Variants in TYW1 observed in about 807,000 individuals in gnomAD.
TYW1 encodes the protein tRNA-yW synthesizing protein 1 homolog.
In TYW1, 46 loss-of-function variants were observed where a neutral mutation model predicts 96.2. The ratio of observed to expected loss-of-function variants is 0.48; its 90% CI spans 0.38 to 0.61. The LOEUF (loss-of-function observed/expected upper bound fraction) is 0.61, where lower values mean the gene tolerates loss of function less well. Among genes scored for constraint, TYW1 ranks in the 20% least tolerant of loss-of-function variants. TYW1 has a pLI of 0.00. For missense variants in TYW1, 684 were observed against 909.6 expected (o/e 0.75, Z 3.19); for synonymous variants, 274 against 323.0 (o/e 0.85, Z 1.63).
intron 10 of TYW1, among the ~76,000 whole-genome samples, chr7:67,071,132 A>G (rs938232056): frequency 5.7e-4 from 85 of 150,102 alleles, no homozygotes; most frequent in Non-Finnish European, 1.0e-3. Context: ...CTCCGTCTCA[A>G]AAAAAAAAAG....
At chr7:67,200,008 G>A (rs1307533014) in intron 15 of TYW1, among the ~76,000 whole-genome samples, 1 of 152,214 alleles carries the variant, frequency 6.6e-6, no homozygotes, top group Admixed American at 6.5e-5. Context: ...AACCTGAAGT[G>A]AAGTAGGCAG....
At chr7:67,236,466 C>T (rs201019431) in intron 15 of TYW1, among the ~76,000 whole-genome samples, 5 of 152,284 alleles carry the variant, frequency 3.3e-5, no homozygotes, top group East Asian at 3.9e-4. Flanking sequence ...GTGGTGTGAG[C>T]GGCCAGGGAA....
chr7:67,135,519 G>A, intron 13 of TYW1, among the ~76,000 whole-genome samples: 1 of 151,288 alleles, frequency 6.6e-6, no homozygotes. Flanking sequence ...GGCCAGGCTG[G>A]TCTTGAACTC....
rs550809868 is a variant in TYW1, at chr7:67,143,892, G to A, written c.1698+26274G>A. Reference sequence around the variant, plus strand: ...CGTTTTTTGGTGTATATGCTAATTAGCTAATTTTTTGACTTAAAACCGGTT... The same window carrying A: ...CGTTTTTTGGTGTATATGCTAATTAACTAATTTTTTGACTTAAAACCGGTT... On this transcript the variant is annotated intron_variant, in intron 13 of 15. Transcript: ENST00000359626. Among the ~76,000 whole-genome samples, 6 of 152,294 alleles carry A rather than the reference G, an allele frequency of 3.9e-5. No homozygotes were observed. In the East Asian group the frequency reaches 1.2e-3, roughly 29 times the overall value.
At chr7:67,085,697 G>A (rs1357743491) in intron 11 of TYW1, among the ~76,000 whole-genome samples, 1 of 152,048 alleles carries the variant, frequency 6.6e-6, no homozygotes, top group Non-Finnish European at 1.5e-5. Flanking sequence ...GGCTTAGCAC[G>A]GTGCCTCACG....
At chr7:67,067,588 G>C (rs1334097756) in intron 10 of TYW1, among the ~76,000 whole-genome samples, 185 bp downstream of exon 10, 1 of 152,202 alleles carries the variant, frequency 6.6e-6, no homozygotes, top group East Asian at 1.9e-4. Flanking sequence ...CAAACACTGT[G>C]AGGAATTGCT....
chr7:67,177,258 C>T (rs915641612), intron 13 of TYW1, among the ~76,000 whole-genome samples: 2 of 151,270 alleles, frequency 1.3e-5, no homozygotes, highest in African/African-American at 4.9e-5. Context: ...TATGATAAAA[C>T]TTTAGAAAAA....
intron 13 of TYW1, among the ~76,000 whole-genome samples, chr7:67,149,772 A>ATCTATCTC (rs757104825): frequency 2.7e-4 from 22 of 82,956 alleles, no homozygotes; most frequent in Admixed American, 1.1e-3. Flanking sequence ...CTATCTATCT[A>ATCTATCTC]TCTCTCTATG....
chr7:67,071,845 C>G (rs866142606), intron 10 of TYW1, among the ~76,000 whole-genome samples: 18 of 152,278 alleles, frequency 1.2e-4, no homozygotes, highest in African/African-American at 4.3e-4. Context: ...TGGTCTCAAA[C>G]TCCTGGCCTC....
intron 15 of TYW1, among the ~76,000 whole-genome samples, chr7:67,199,849 T>G (rs1800530679): frequency 6.6e-6 from 1 of 151,772 alleles, no homozygotes; most frequent in Non-Finnish European, 1.5e-5. Flanking sequence ...AAGTAACATA[T>G]TTAAAGTACC....
At chr7:67,044,111 G>GTTTTTTT (rs201692947) in intron 7 of TYW1, among the ~76,000 whole-genome samples, 1 of 124,594 alleles carries the variant, frequency 8.0e-6, no homozygotes, top group Non-Finnish European at 1.7e-5. Context: ...ATGAATAAGA[G>GTTTTTTT]TTTTTTTTTT....
chr7:67,152,813 T>C (rs1236698639), intron 13 of TYW1, among the ~76,000 whole-genome samples: 1 of 152,074 alleles, frequency 6.6e-6, no homozygotes, highest in African/African-American at 2.4e-5. Flanking sequence ...GTTAGCCAGT[T>C]TGGTCTTGAA....
intron 13 of TYW1, among the ~76,000 whole-genome samples, chr7:67,165,047 G>A (rs940823897): frequency 2.0e-5 from 3 of 150,958 alleles, no homozygotes; most frequent in South Asian, 4.2e-4. Flanking sequence ...TTTTCTAAAC[G>A]TTGGTACTGA....
intron 12 of TYW1, among the ~76,000 whole-genome samples, chr7:67,113,475 G>C (rs1797490370): frequency 6.6e-6 from 1 of 152,138 alleles, no homozygotes; most frequent in Non-Finnish European, 1.5e-5. Context: ...TTCATTTATG[G>C]AATACCGTTT....
chr7:67,061,784 C>G (rs915774957), intron 9 of TYW1, among the ~76,000 whole-genome samples: 1 of 152,126 alleles, frequency 6.6e-6, no homozygotes, highest in Non-Finnish European at 1.5e-5. Flanking sequence ...GCAAATGGTT[C>G]CATCTTTGTT....
chr7:67,165,632 T>C (rs1247334237), intron 13 of TYW1, among the ~76,000 whole-genome samples: 2 of 152,118 alleles, frequency 1.3e-5, no homozygotes, highest in East Asian at 1.9e-4. Flanking sequence ...ATACAACATA[T>C]AAAGAATTTT....
chr7:67,208,579 A>T lies in TYW1; in HGVS notation c.1977+13242A>T, dbSNP rs186779840. Reference sequence around the variant, plus strand: ...GTGGCGCGTGCCTGTAGTCCCAGCTATTCAGGAGGCTGAGGCAGGAGAATC... The same window carrying T: ...GTGGCGCGTGCCTGTAGTCCCAGCTTTTCAGGAGGCTGAGGCAGGAGAATC... On this transcript the variant is annotated intron_variant, in intron 15 of 15. Coordinates refer to ENST00000359626, the MANE Select transcript of TYW1 (RefSeq NM_018264.4). Among the ~76,000 whole-genome samples, 23 of 150,280 alleles carry T rather than the reference A, an allele frequency of 1.5e-4. 1 individual carries two copies. The highest frequency in any genetic ancestry group is 3.0e-5 in the Non-Finnish European group (2 of 67,626).
At chr7:67,206,560 G>A (rs1800805421) in intron 15 of TYW1, among the ~76,000 whole-genome samples, 2 of 151,894 alleles carry the variant, frequency 1.3e-5, no homozygotes, top group Admixed American at 6.6e-5. Context: ...GAACCTGGGA[G>A]GCAGAGGTTG....
intron 8 of TYW1, among the ~76,000 whole-genome samples, chr7:67,052,766 C>G (rs2115569546): frequency 6.6e-6 from 1 of 152,210 alleles, no homozygotes; most frequent in East Asian, 1.9e-4. Context: ...GAGTCTCACT[C>G]TGTTGCCCAG....
Sources: allele counts gnomAD v4.1 joint callset (sites outside exome capture counted in the v4.1 genomes callset), GRCh38; gene constraint gnomAD v4.1.1; transcripts MANE v1.5; gene names NCBI Gene and HGNC (gene_info 2026-07-23, HGNC 2026-07-21).